Variants in C1orf21 observed in about 807,000 individuals in gnomAD.
The protein encoded by C1orf21 is uncharacterized protein C1orf21.
A neutral mutation model predicts 18.7 loss-of-function variants in C1orf21; 3 were observed. The ratio of observed to expected loss-of-function variants is 0.16; its 90% CI spans 0.07 to 0.42. The LOEUF is 0.42. Among genes scored for constraint, C1orf21 ranks in the 10% least tolerant of loss-of-function variants. The pLI, the probability that C1orf21 is intolerant of heterozygous loss-of-function variation, is 0.99. For synonymous variants in C1orf21, 41 were observed against 46.4 expected, an observed-to-expected ratio of 0.88 and a Z score of 0.47; for missense variants, 104 against 143.6, an observed-to-expected ratio of 0.72 and a Z score of 1.41.
chr1:184,442,841 TA>T (rs1236639969), intron 1 of C1orf21, among the ~76,000 whole-genome samples: 3 of 152,196 alleles, frequency 2.0e-5, no homozygotes, highest in Non-Finnish European at 4.4e-5. Context: ...AGGCAATGAT[TA>T]ATATACATTA....
chr1:184,583,891 A>G (rs1337045664), intron 3 of C1orf21, among the ~76,000 whole-genome samples: 1 of 152,202 alleles, frequency 6.6e-6, no homozygotes, highest in African/African-American at 2.4e-5. Flanking sequence ...AGTGTCAAAT[A>G]CCATCAAAAT....
rs1268887391 is a variant in C1orf21, at chr1:184,626,542, T to G, written c.*6986T>G. ...CCACAGAGGGTTCCCGGGGCTTTGC[T>G]GGGGATTCAGGGAGCATAAATAAGA... is the stretch of plus-strand genomic sequence containing the variant. On this transcript the variant is annotated 3_prime_UTR_variant, in exon 6 of 6. Coordinates refer to ENST00000235307, the MANE Select transcript of C1orf21 (RefSeq NM_030806.4). 1 of 152,530 alleles carries G rather than the reference T, an allele frequency of 6.6e-6. No individual in the cohort carries two copies. Among genetic ancestry groups the G allele is most frequent in the Non-Finnish European group, 1.5e-5 (1 of 68,390 alleles). 9.4% of individuals were successfully genotyped at this position (152,530 alleles called of 1,614,324 possible).
At chr1:184,555,515 G>T (rs891609594) in intron 3 of C1orf21, among the ~76,000 whole-genome samples, 3 of 148,748 alleles carry the variant, frequency 2.0e-5, no homozygotes, top group Non-Finnish European at 4.5e-5. Context: ...TGTGGGAATA[G>T]CACACACACC....
chr1:184,402,997 A>G (rs1656187847), intron 1 of C1orf21, among the ~76,000 whole-genome samples: 1 of 152,228 alleles, frequency 6.6e-6, no homozygotes, highest in Non-Finnish European at 1.5e-5. Flanking sequence ...GGGTAGCAGA[A>G]TAAAGGAGTA....
intron 3 of C1orf21, among the ~76,000 whole-genome samples, chr1:184,573,312 T>C (rs1659140661): frequency 6.6e-6 from 1 of 152,228 alleles, no homozygotes; most frequent in African/African-American, 2.4e-5. Context: ...ATTCATACCA[T>C]TCTGTTTTTA....
At chr1:184,426,490 C>T (rs1171735694) in intron 1 of C1orf21, among the ~76,000 whole-genome samples, 2 of 152,160 alleles carry the variant, frequency 1.3e-5, no homozygotes, top group African/African-American at 4.8e-5. Context: ...GTACGCTCCA[C>T]CCTATTTCAT....
At chr1:184,551,622 G>A (rs901791803) in intron 3 of C1orf21, among the ~76,000 whole-genome samples, 1 of 152,282 alleles carries the variant, frequency 6.6e-6, no homozygotes, top group Admixed American at 6.5e-5. Flanking sequence ...GCATCTTTCT[G>A]GTTAGCTGCC....
chr1:184,618,786 T>C (rs1353122182), intron 5 of C1orf21, among the ~76,000 whole-genome samples: 2 of 152,206 alleles, frequency 1.3e-5, no homozygotes, highest in Non-Finnish European at 2.9e-5. Flanking sequence ...TGTGATGGGT[T>C]ACAGACCAAG....
intron 3 of C1orf21, among the ~76,000 whole-genome samples, chr1:184,568,093 C>A (rs1319315367): frequency 6.6e-6 from 1 of 152,192 alleles, no homozygotes; most frequent in Non-Finnish European, 1.5e-5. Context: ...CATTTTAAAA[C>A]CCTCTCTCTA....
chr1:184,593,469 A>G (rs1337261545), intron 4 of C1orf21, among the ~76,000 whole-genome samples: 1 of 152,198 alleles, frequency 6.6e-6, no homozygotes, highest in South Asian at 2.1e-4. Context: ...CTTCTTCCCC[A>G]TGAGTGGAAG....
chr1:184,423,859 G>GTCCATCCA (rs3033528), intron 1 of C1orf21, among the ~76,000 whole-genome samples: 10,870 of 146,978 alleles, frequency 0.074, 693 homozygotes, highest in African/African-American at 0.17. Context: ...TCCACCCATC[G>GTCCATCCA]TCCATCCATC....
chr1:184,433,547 A>G (rs886331633), intron 1 of C1orf21, among the ~76,000 whole-genome samples: 1 of 152,152 alleles, frequency 6.6e-6, no homozygotes, highest in Non-Finnish European at 1.5e-5. Flanking sequence ...GTCTCTTCCT[A>G]TCTTCCTAGA....
intron 1 of C1orf21, among the ~76,000 whole-genome samples, chr1:184,475,079 T>C (rs1657549578): frequency 6.6e-6 from 1 of 152,180 alleles, no homozygotes; most frequent in Non-Finnish European, 1.5e-5. Context: ...GAGAGGGGAT[T>C]CTTCCCTTCT....
At chr1:184,505,154 G>A (rs753552287) in intron 2 of C1orf21, among the ~76,000 whole-genome samples, 1 of 151,780 alleles carries the variant, frequency 6.6e-6, no homozygotes, top group Admixed American at 6.6e-5. Flanking sequence ...GTGGGCAAGT[G>A]CAAGGGCATC....
intron 3 of C1orf21, among the ~76,000 whole-genome samples, chr1:184,569,070 A>G (rs563682635): frequency 8.5e-5 from 13 of 152,236 alleles, no homozygotes; most frequent in Non-Finnish European, 1.6e-4. Context: ...CAGATAAGCC[A>G]AGGCATTGGG....
intron 3 of C1orf21, among the ~76,000 whole-genome samples, chr1:184,546,774 A>G (rs1182468664): frequency 6.6e-6 from 1 of 152,208 alleles, no homozygotes; most frequent in Non-Finnish European, 1.5e-5. Context: ...CTGTAGGCAC[A>G]TGGTTTGGCA....
chr1:184,454,540 G>T (rs1657169609), intron 1 of C1orf21, among the ~76,000 whole-genome samples: 1 of 152,150 alleles, frequency 6.6e-6, no homozygotes, highest in Non-Finnish European at 1.5e-5. Flanking sequence ...TGGAGGTGGG[G>T]CCTGGCAGGA....
chr1:184,580,661 C>G (rs556123640), intron 3 of C1orf21, among the ~76,000 whole-genome samples: 22 of 152,348 alleles, frequency 1.4e-4, no homozygotes, highest in Admixed American at 3.3e-4. Flanking sequence ...TTTCAACAAG[C>G]ATCAATGATT....
rs1193290901 is a variant in C1orf21 at position 184,626,859 on chromosome 1, C to A, written c.*7303C>A. 1.3e-5 allele frequency: 2 copies of A among 152,498 alleles called. No homozygotes were observed. Among genetic ancestry groups the A allele is most frequent in the African/African-American group, 4.8e-5 (2 of 41,412 alleles). The allele number at this position is 152,498 out of a possible 1,614,324, so 9.4% of individuals were successfully genotyped here. A position where few individuals can be genotyped will look rare whatever the true frequency, so the allele number is the denominator to read the frequency against. Reference sequence around the variant, plus strand: ...TTTAGAGCCACTAAGGCGAAAAATACCGTTTGGGACCAGGCTGGCCTAGAC... The same window carrying A: ...TTTAGAGCCACTAAGGCGAAAAATAACGTTTGGGACCAGGCTGGCCTAGAC... On this transcript the variant is annotated 3_prime_UTR_variant, in exon 6 of 6. Coordinates refer to ENST00000235307, the MANE Select transcript of C1orf21 (RefSeq NM_030806.4).
Sources: allele counts gnomAD v4.1 joint callset (sites outside exome capture counted in the v4.1 genomes callset), GRCh38; gene constraint gnomAD v4.1.1; transcripts MANE v1.5; gene names NCBI Gene and HGNC (gene_info 2026-07-23, HGNC 2026-07-21).